KRT2: variants seen among roughly 807,000 people sequenced by gnomAD.
The protein encoded by KRT2 is keratin, type II cytoskeletal 2 epidermal.
Under a neutral mutation model 48.5 loss-of-function variants are expected in KRT2, and 37 were observed. The observed-to-expected ratio is 0.76, with a 90% CI of 0.59 to 1.00. The LOEUF is 1.00. Ranked by LOEUF, KRT2 falls within the 50% of genes least tolerant of loss-of-function variation. KRT2 has a pLI of 0.00. For synonymous variants in KRT2, 324 were observed against 312.2 expected (o/e 1.04, Z -0.40); for missense variants, 880 against 815.2 (o/e 1.08, Z -0.97).
At chr12:52,651,441 G>C in intron 1 of KRT2, 117 bp downstream of exon 1, 1 of 838,514 alleles carries the variant, frequency 1.2e-6, no homozygotes, top group Non-Finnish European at 2.0e-6. Context: ...AATGACCCAG[G>C]CTACTGCGGT....
intron 6 of KRT2, 59 bp downstream of exon 6, chr12:52,647,671 A>C: frequency 6.3e-7 from 1 of 1,599,788 alleles, no homozygotes; most frequent in Non-Finnish European, 8.5e-7. Context: ...ACACAACCAC[A>C]CTCTCACGCA....
Position 52,648,200 on chromosome 12 carries a change from T to C in KRT2, c.1095A>G (p.Glu365=). ...TGCTGTGGTACAGGGCCTCCGCTTC[T>C]TCCTTGCTCCTCTGGGCGATCTCCT... ...QYEEIAQRSK[E]EAEALYHSKY... is the part of the protein sequence containing the mutation. Residue 365 remains glutamate (E), a synonymous_variant, in exon 5 of 9, where the codon GAA becomes GAG. Transcript: ENST00000309680. 1 of 1,614,198 alleles carries C rather than the reference T, an allele frequency of 6.2e-7. No individual in the cohort carries two copies. Among genetic ancestry groups the C allele is most frequent in the Non-Finnish European group, 8.5e-7 (1 of 1,180,018 alleles).
intron 7 of KRT2, among the ~76,000 whole-genome samples, chr12:52,645,881 A>G (rs1342717101): frequency 6.6e-6 from 1 of 152,232 alleles, no homozygotes. Context: ...ATTTAAATCC[A>G]TCTTGGAGAG....
rs1258103052 is a variant in KRT2 at position 52,644,964 on chromosome 12, A to G, written c.*55T>C. ...TAGAGGTACAGAGACAGGCTTCTAC[A>G]TTCTGGAGTGGGAGAGTCTGGGTTG... On this transcript the variant is annotated 3_prime_UTR_variant, in exon 9 of 9. Coordinates refer to ENST00000309680, the MANE Select transcript of KRT2 (RefSeq NM_000423.3). 3 of 1,598,658 alleles carry G rather than the reference A, an allele frequency of 1.9e-6. No homozygotes were observed. The African/African-American group carries it at 4.0e-5, about 21-fold the overall frequency.
intron 5 of KRT2, 38 bp from the exon 6 acceptor site, chr12:52,647,893 C>G: frequency 6.2e-7 from 1 of 1,613,548 alleles, no homozygotes; most frequent in Non-Finnish European, 8.5e-7. Flanking sequence ...CAAGGAAGTT[C>G]CAGCCTGGCT....
chr12:52,649,940 C>G lies in KRT2; in HGVS notation c.835G>C (p.Glu279Gln). 2 of 1,613,898 alleles carry G rather than the reference C, an allele frequency of 1.2e-6. No individual in the cohort carries two copies. The highest frequency in any genetic ancestry group is 1.7e-6 in the Non-Finnish European group (2 of 1,179,766). The stretch of plus-strand genomic sequence containing the variant: ...TTTTTAAGCGTCACAAAATCATTCT[C>G]AGCAGCTGTGCGCTTATTGATTTCA... ...EDEINKRTAA[E>Q]NDFVTLKKDV... Residue 279 changes from glutamate (E) to glutamine (Q), a missense_variant, in exon 3 of 9, where the codon GAG (glutamate) becomes CAG (glutamine). Coordinates refer to ENST00000309680, the MANE Select transcript of KRT2 (RefSeq NM_000423.3).
chr12:52,650,440 G>A lies in KRT2; in HGVS notation c.699C>T (p.Ile233=), dbSNP rs779630394. The change falls in exon 2 of 9, where the codon ATC becomes ATT. Residue 233 remains isoleucine (I), a synonymous_variant. Coordinates refer to ENST00000309680, the MANE Select transcript of KRT2 (RefSeq NM_000423.3). ...INLEPIFQGY[I]DSLKRYLDGL... is the part of the protein sequence containing the mutation. Reference sequence around the variant, plus strand: ...CATCCAGATATCTCTTGAGGCTGTCGATATACCCCTGGAAGATGGGCTCCA... The same window carrying A: ...CATCCAGATATCTCTTGAGGCTGTCAATATACCCCTGGAAGATGGGCTCCA... The A allele has an allele frequency of 1.5e-5, 24 of 1,613,958 alleles. No homozygotes were observed. Among genetic ancestry groups the A allele is most frequent in the African/African-American group, 2.7e-5 (2 of 74,918 alleles).
At chr12:52,647,882 G>C (rs758539743) in intron 5 of KRT2, 27 bp from the exon 6 acceptor site, 1 of 1,613,928 alleles carries the variant, frequency 6.2e-7, no homozygotes, top group East Asian at 2.2e-5. Context: ...AGGACAGTTT[G>C]CAAGGAAGTT....
Position 52,648,115 on chromosome 12 carries a change from G to C in KRT2, c.1122+58C>G, listed in dbSNP as rs570508890. The C allele has an allele frequency of 4.0e-4, 624 of 1,573,938 alleles. 8 individuals carry two copies. The South Asian group carries it at 6.5e-3, about 16-fold the overall frequency. On this transcript the variant is annotated intron_variant, in intron 5 of 8. Transcript: ENST00000309680. Reference sequence around the variant, plus strand: ...ACCTTACTGTACACTTTCCAGCTGGGGGTGCAACCCAGCTCATGGCAGGGA... The same window carrying C: ...ACCTTACTGTACACTTTCCAGCTGGCGGTGCAACCCAGCTCATGGCAGGGA...
In KRT2 at chr12:52,644,660, G is replaced by A. The variant is rs1941134681; in HGVS notation, c.*359C>T. On this transcript the variant is annotated 3_prime_UTR_variant, in exon 9 of 9. Coordinates refer to ENST00000309680, the MANE Select transcript of KRT2 (RefSeq NM_000423.3). ...ATACACAGAAACACATTTCCCCCCAGCACTGCCAGGCTTAGAGATGAAATC... is the reference window on the plus strand; with the variant it reads ...ATACACAGAAACACATTTCCCCCCAACACTGCCAGGCTTAGAGATGAAATC... 1 of 342,928 alleles carries A rather than the reference G, an allele frequency of 2.9e-6. No individual in the cohort carries two copies. Among genetic ancestry groups the A allele is most frequent in the Admixed American group, 4.4e-5 (1 of 22,986 alleles). 21.2% of individuals were successfully genotyped at this position (342,928 alleles called of 1,614,324 possible).
In KRT2 at chr12:52,644,965, T is replaced by A; in HGVS notation, c.*54A>T. The A allele has an allele frequency of 6.3e-7, 1 of 1,599,364 alleles. No individual in the cohort carries two copies. Among genetic ancestry groups the A allele is most frequent in the Non-Finnish European group, 8.6e-7 (1 of 1,166,862 alleles). On this transcript the variant is annotated 3_prime_UTR_variant, in exon 9 of 9. Coordinates refer to ENST00000309680, the MANE Select transcript of KRT2 (RefSeq NM_000423.3). ...AGAGGTACAGAGACAGGCTTCTACATTCTGGAGTGGGAGAGTCTGGGTTGG... is the reference window on the plus strand; with the variant it reads ...AGAGGTACAGAGACAGGCTTCTACAATCTGGAGTGGGAGAGTCTGGGTTGG...
chr12:52,651,748 A>G lies in KRT2; in HGVS notation c.395T>C (p.Val132Ala). 6.2e-7 allele frequency: 1 copy of G among 1,613,864 alleles called. No homozygotes were observed. The highest frequency in any genetic ancestry group is 8.5e-7 in the Non-Finnish European group (1 of 1,179,918). ...RFGGFGGPGG[V>A]GGLGGPGGFG... ...GCCACCAGGACCCCCTAAACCTCCA[A>G]CACCACCAGGGCCCCCAAAACCTCC... Residue 132 changes from valine (V) to alanine (A), a missense_variant, in exon 1 of 9, where the codon GTT becomes GCT. Physicochemically the swap from Val to Ala is moderately conservative, Grantham distance 64. Coordinates refer to ENST00000309680, the MANE Select transcript of KRT2 (RefSeq NM_000423.3).
In KRT2 at chr12:52,649,988, G is replaced by C; in HGVS notation, c.801-14C>G. ...TCATCCTCATACCTATTGGGACACA[G>C]ATGTTACAGCAGTTAGATTAGTTCC... On this transcript the variant is annotated splice_polypyrimidine_tract_variant and intron_variant, in intron 2 of 8. Coordinates refer to ENST00000309680, the MANE Select transcript of KRT2 (RefSeq NM_000423.3). 1.9e-6 allele frequency: 3 copies of C among 1,598,230 alleles called. No individual in the cohort carries two copies. The highest frequency in any genetic ancestry group is 2.6e-6 in the Non-Finnish European group (3 of 1,165,490).
rs200345029 is a variant in KRT2, at chr12:52,648,269, G to C, written c.1026C>G (p.Asn342Lys). Residue 342 changes from asparagine (N) to lysine (K), a missense_variant, in exon 5 of 9, where the codon AAC (asparagine) becomes AAG (lysine). Asn to Lys is a moderately conservative substitution (Grantham distance 94). Transcript: ENST00000309680. ...CGGCGATGATGCTATCCAAGTCCAG[G>C]TTGCGGCTGTTGTCCATGGAGAGGA... ...NVILSMDNSR[N>K]LDLDSIIAEV... 10 of 1,614,104 alleles carry C rather than the reference G, an allele frequency of 6.2e-6. No individual in the cohort carries two copies. Among genetic ancestry groups the C allele is most frequent in the South Asian group, 4.4e-5 (4 of 91,076 alleles).
Position 52,645,156 on chromosome 12 carries a change from T to G in KRT2, c.1783A>C (p.Lys595Gln), listed in dbSNP as rs1480472731. The G allele has an allele frequency of 6.2e-7, 1 of 1,613,576 alleles. No individual in the cohort carries two copies. The highest frequency in any genetic ancestry group is 1.7e-5 in the Admixed American group (1 of 59,988). ...SGGGYGSGGGKHSSGGGSRGG... is the reference protein window; with the variant it reads ...SGGGYGSGGGQHSSGGGSRGG... ...CTAGAGCCACCTCCAGAGCTGTGTT[T>G]TCCACCTCCAGAGCCATATCCTCCT... Residue 595 changes from lysine to glutamine, a missense_variant, in exon 9 of 9, where the codon AAA (lysine) becomes CAA (glutamine). Transcript: ENST00000309680.
At chr12:52,647,195 A>G (rs562833903) in intron 6 of KRT2, among the ~76,000 whole-genome samples, 1 of 152,312 alleles carries the variant, frequency 6.6e-6, no homozygotes, top group African/African-American at 2.4e-5. Flanking sequence ...CTCACATCAC[A>G]GGGCCTGAAT....
At chr12:52,648,060 G>T in intron 5 of KRT2, 113 bp downstream of exon 5, 1 of 1,319,132 alleles carries the variant, frequency 7.6e-7, no homozygotes, top group Non-Finnish European at 1.1e-6. Context: ...TGGGAATGGT[G>T]CCCAACTACC....
rs2232561 is a variant in KRT2, at chr12:52,645,598, T to C, written c.1470-29A>G. 2.5e-3 allele frequency: 4,100 copies of C among 1,612,226 alleles called. 106 individuals carry two copies. The African/African-American group carries it at 0.047, about 18-fold the overall frequency. On this transcript the variant is annotated intron_variant, in intron 7 of 8. Transcript: ENST00000309680. ...TAAGGGAGAGAGAAAAAACAAGTTGTGGTGGAACACTTAGGTTCTGTATGC... is the reference window on the plus strand; with the variant it reads ...TAAGGGAGAGAGAAAAAACAAGTTGCGGTGGAACACTTAGGTTCTGTATGC...
rs1041204060 is a variant in KRT2 at position 52,644,962 on chromosome 12, A to G, written c.*57T>C. Reference sequence around the variant, plus strand: ...GTTAGAGGTACAGAGACAGGCTTCTACATTCTGGAGTGGGAGAGTCTGGGT... The same window carrying G: ...GTTAGAGGTACAGAGACAGGCTTCTGCATTCTGGAGTGGGAGAGTCTGGGT... On this transcript the variant is annotated 3_prime_UTR_variant, in exon 9 of 9. Transcript: ENST00000309680. The G allele has an allele frequency of 6.3e-6, 10 of 1,593,002 alleles. No homozygotes were observed. The African/African-American group carries it at 1.3e-4, about 21-fold the overall frequency.
Sources: allele counts gnomAD v4.1 joint callset (sites outside exome capture counted in the v4.1 genomes callset), GRCh38; gene constraint gnomAD v4.1.1; transcripts MANE v1.5; gene names NCBI Gene and HGNC (gene_info 2026-07-23, HGNC 2026-07-21).